Variants in KCNK2 observed in about 807,000 individuals in gnomAD.
KCNK2 encodes potassium two pore domain channel subfamily K member 2, also known as potassium channel subfamily K member 2.
Under a neutral mutation model 40.5 loss-of-function variants are expected in KCNK2, and 21 were observed. The observed-to-expected ratio is 0.52, with a 90% CI of 0.37 to 0.75. The LOEUF is 0.75. Among genes scored for constraint, KCNK2 ranks in the 30% least tolerant of loss-of-function variants. KCNK2 has a pLI of 0.00. For synonymous variants in KCNK2, 191 were observed against 202.2 expected, an observed-to-expected ratio of 0.94 and a Z score of 0.47; for missense variants, 399 against 531.6, an observed-to-expected ratio of 0.75 and a Z score of 2.45.
chr1:215,229,207 C>CTT (rs201225142), intron 6 of KCNK2, among the ~76,000 whole-genome samples: 3 of 129,918 alleles, frequency 2.3e-5, no homozygotes, highest in Non-Finnish European at 5.0e-5. Flanking sequence ...GATTGTTTTT[C>CTT]TTTTTTTTTT....
At chr1:215,027,831 TC>T (rs1454239966) in intron 1 of KCNK2, among the ~76,000 whole-genome samples, 14 of 152,290 alleles carry the variant, frequency 9.2e-5, no homozygotes, top group African/African-American at 3.4e-4. Context: ...TAACTTGCCT[TC>T]CATTCACTTC....
Position 215,218,903 on chromosome 1 carries a change from G to A in KCNK2, c.964-15925G>A, listed in dbSNP as rs147368075. On this transcript the variant is annotated intron_variant, in intron 6 of 6. Transcript: ENST00000444842. ...AGTACAAATGTTAAATGATGAGTAT[G>A]AAATAGTGCTAAAATATTTTAATCA... Among the ~76,000 whole-genome samples the A allele has an allele frequency of 4.6e-5, 7 of 152,260 alleles. No individual in the cohort carries two copies. In the South Asian group the frequency reaches 6.2e-4, roughly 14 times the overall value.
intron 6 of KCNK2, among the ~76,000 whole-genome samples, chr1:215,227,105 G>C (rs1316547424): frequency 5.3e-5 from 8 of 152,140 alleles, no homozygotes; most frequent in Non-Finnish European, 1.0e-4. Context: ...AGCAAGTACT[G>C]ACTGAATTCT....
intron 1 of KCNK2, among the ~76,000 whole-genome samples, chr1:215,033,986 T>C (rs1018654064): frequency 6.6e-6 from 1 of 152,190 alleles, no homozygotes; most frequent in African/African-American, 2.4e-5. Flanking sequence ...TCTTCAGTAA[T>C]TCATCAATTA....
intron 1 of KCNK2, among the ~76,000 whole-genome samples, chr1:215,015,673 C>T (rs1036215203): frequency 3.9e-5 from 6 of 152,110 alleles, no homozygotes; most frequent in Non-Finnish European, 8.8e-5. Flanking sequence ...GACTCCCTCT[C>T]AGTTGACAGC....
intron 4 of KCNK2, among the ~76,000 whole-genome samples, chr1:215,170,455 T>C (rs1663659824): frequency 6.6e-6 from 1 of 152,206 alleles, no homozygotes; most frequent in Non-Finnish European, 1.5e-5. Flanking sequence ...AAGGATTTGT[T>C]ACTTCTAGCA....
At position 215,236,048 on chromosome 1, in the gene KCNK2, CT is replaced by C. The variant is rs1558153113; in HGVS notation, c.*904del. The stretch of plus-strand genomic sequence containing the variant: ...ATTTTTAAAGGCAGAAGAAGAAAAT[CT>C]ATCTATCTATCTATCTATCTATCTA... On this transcript the variant is annotated 3_prime_UTR_variant, in exon 7 of 7. Transcript: ENST00000444842. 56 of 94,998 alleles carry C rather than the reference CT, an allele frequency of 5.9e-4. No individual in the cohort carries two copies. The highest frequency in any genetic ancestry group is 1.8e-3 in the African/African-American group (51 of 27,992). 5.9% of individuals were successfully genotyped at this position (94,998 alleles called of 1,614,324 possible).
chr1:215,120,714 T>G (rs1661153677), intron 2 of KCNK2, among the ~76,000 whole-genome samples: 1 of 152,202 alleles, frequency 6.6e-6, no homozygotes, highest in African/African-American at 2.4e-5. Context: ...TATGGAAGCC[T>G]TGATATATAT....
At chr1:215,024,086 C>T (rs1656909825) in intron 1 of KCNK2, among the ~76,000 whole-genome samples, 1 of 152,146 alleles carries the variant, frequency 6.6e-6, no homozygotes, top group African/African-American at 2.4e-5. Flanking sequence ...ATTTATTTTG[C>T]TTCTGGAAGA....
chr1:215,186,778 G>C (rs559238799), intron 5 of KCNK2, among the ~76,000 whole-genome samples: 1 of 152,272 alleles, frequency 6.6e-6, no homozygotes, highest in South Asian at 2.1e-4. Flanking sequence ...GGCACTTTCT[G>C]TTCTCTCTCA....
intron 2 of KCNK2, among the ~76,000 whole-genome samples, chr1:215,122,921 T>A (rs1002853485): frequency 7.9e-5 from 12 of 151,924 alleles, no homozygotes; most frequent in African/African-American, 2.9e-4. Context: ...GTTTTTTGTA[T>A]TTTTAGTAGA....
chr1:215,045,962 A>T (rs1558068004), intron 1 of KCNK2, among the ~76,000 whole-genome samples: 1 of 152,244 alleles, frequency 6.6e-6, no homozygotes, highest in Non-Finnish European at 1.5e-5. Context: ...TATTGTAAAA[A>T]TACCTCCAGA....
At chr1:215,192,630 G>GA (rs1412715326) in intron 5 of KCNK2, among the ~76,000 whole-genome samples, 1 of 152,002 alleles carries the variant, frequency 6.6e-6, no homozygotes, top group African/African-American at 2.4e-5. Flanking sequence ...GGAAACATTT[G>GA]AAAAAATGAA....
rs111797864 is a variant in KCNK2, at chr1:215,167,486, A to G, written c.476-1713A>G. Among the ~76,000 whole-genome samples, 4 of 152,254 alleles carry G rather than the reference A, an allele frequency of 2.6e-5. 1 individual carries two copies. The highest frequency in any genetic ancestry group is 9.6e-5 in the African/African-American group (4 of 41,580). On this transcript the variant is annotated intron_variant, in intron 3 of 6. Coordinates refer to ENST00000444842, the MANE Select transcript of KCNK2 (RefSeq NM_001017425.3). ...TGTACTTCTAGAAGTATATTTTTTA[A>G]CCCAAGCATATATGTGTAGACAGTG...
At chr1:215,203,284 A>G (rs1321089189) in intron 6 of KCNK2, among the ~76,000 whole-genome samples, 2 of 152,202 alleles carry the variant, frequency 1.3e-5, no homozygotes, top group Non-Finnish European at 2.9e-5. Flanking sequence ...ACTGAGATTT[A>G]ATTCTATCTC....
At chr1:215,103,271 T>C (rs77283599) in intron 2 of KCNK2, among the ~76,000 whole-genome samples, 2,174 of 152,070 alleles carry the variant, frequency 0.014, 28 homozygotes, top group Non-Finnish European at 0.022. Flanking sequence ...TAAATTTTTA[T>C]GAGCATAGAT....
intron 3 of KCNK2, among the ~76,000 whole-genome samples, chr1:215,149,313 G>T (rs1206560827): frequency 6.6e-6 from 1 of 152,110 alleles, no homozygotes; most frequent in Non-Finnish European, 1.5e-5. Context: ...GACAATTTAT[G>T]TTATTTAAAC....
At chr1:215,206,219 C>T (rs1268323010) in intron 6 of KCNK2, among the ~76,000 whole-genome samples, 2 of 151,926 alleles carry the variant, frequency 1.3e-5, no homozygotes, top group South Asian at 2.1e-4. Context: ...TGTAAAATTT[C>T]CATAAGAAGA....
intron 2 of KCNK2, among the ~76,000 whole-genome samples, chr1:215,110,664 T>A (rs901258721): frequency 3.3e-5 from 5 of 152,248 alleles, no homozygotes; most frequent in East Asian, 1.9e-4. Context: ...AACATTTTTT[T>A]AAAATTTAAT....
Sources: gnomAD v4.1 joint callset for allele counts (sites outside exome capture counted in the v4.1 genomes callset) on GRCh38, gnomAD v4.1.1 for gene constraint, MANE v1.5 for transcripts, NCBI Gene and HGNC (gene_info 2026-07-23, HGNC 2026-07-21) for gene names.